The following SBF2 variants were observed in gnomAD, a reference collection of about 807,000 sequenced individuals.
The protein encoded by SBF2 is myotubularin-related protein 13.
SBF2 carries 112 observed loss-of-function variants against 225.2 expected under a neutral mutation model. The observed-to-expected ratio is 0.50, with a 90% CI of 0.43 to 0.58. The LOEUF (loss-of-function observed/expected upper bound fraction) is 0.58, where lower values mean the gene tolerates loss of function less well. SBF2 is among the 20% of genes least tolerant of loss of function. The pLI is 0.00. For synonymous variants in SBF2, 763 were observed against 773.3 expected, an observed-to-expected ratio of 0.99 and a Z score of 0.22; for missense variants, 1,996 against 2,206.2, an observed-to-expected ratio of 0.90 and a Z score of 1.91.
chr11:9,837,056 T>G (rs1855773179), intron 26 of SBF2, among the ~76,000 whole-genome samples: 6 of 152,196 alleles, frequency 3.9e-5, no homozygotes, highest in Middle Eastern at 3.4e-3. Context: ...TATTTCTTTC[T>G]TTTCAATTTT....
At chr11:9,780,874 A>AG (rs1419856565) in intron 39 of SBF2, 2 of 338,322 alleles carry the variant, frequency 5.9e-6, no homozygotes, top group African/African-American at 2.1e-5. Flanking sequence ...CTTGTGCTCC[A>AG]GGGGGATGCC....
intron 2 of SBF2, among the ~76,000 whole-genome samples, chr11:10,168,537 G>C (rs1355326091): frequency 6.6e-6 from 1 of 152,084 alleles, no homozygotes; most frequent in African/African-American, 2.4e-5. Context: ...GCTGCTATGC[G>C]AGATGAAATT....
At position 10,209,596 on chromosome 11, in the gene SBF2, T is replaced by G. The variant is rs369842649; in HGVS notation, c.56-15609A>C. Among the ~76,000 whole-genome samples the G allele has an allele frequency of 5.9e-5, 9 of 152,198 alleles. No individual in the cohort carries two copies. The East Asian group carries it at 1.5e-3, about 26-fold the overall frequency. On this transcript the variant is annotated intron_variant, in intron 1 of 39. Coordinates refer to ENST00000256190, the MANE Select transcript of SBF2 (RefSeq NM_030962.4). Reference sequence around the variant, plus strand: ...GATAGAGTATTTCTCAAGCTCCCAATGCTGTTTGTACCCCCTATTAAGCAT... The same window carrying G: ...GATAGAGTATTTCTCAAGCTCCCAAGGCTGTTTGTACCCCCTATTAAGCAT...
chr11:9,858,503 A>G (rs1857482473), intron 17 of SBF2, 107 bp from the exon 18 acceptor site: 4 of 1,170,716 alleles, frequency 3.4e-6, no homozygotes, highest in Non-Finnish European at 5.0e-6. Context: ...GGATTTCTCT[A>G]AAGAATATCG....
intron 13 of SBF2, among the ~76,000 whole-genome samples, chr11:9,977,207 G>C (rs984866874): frequency 1.3e-5 from 2 of 152,238 alleles, no homozygotes; most frequent in South Asian, 2.1e-4. Flanking sequence ...ATAGAGGCCA[G>C]GGGCATTGGC....
At chr11:10,096,945 T>C (rs1466047176) in intron 2 of SBF2, among the ~76,000 whole-genome samples, 1 of 152,134 alleles carries the variant, frequency 6.6e-6, no homozygotes, top group Non-Finnish European at 1.5e-5. Flanking sequence ...AAGAAATAAA[T>C]GCAACACATT....
intron 28 of SBF2, among the ~76,000 whole-genome samples, chr11:9,826,610 A>C (rs1006919962): frequency 3.9e-5 from 6 of 152,010 alleles, no homozygotes; most frequent in African/African-American, 1.5e-4. Context: ...AGCAACACAT[A>C]GAGTTGCTCA....
chr11:10,076,774 TTG>T (rs1951133653), intron 2 of SBF2, among the ~76,000 whole-genome samples: 2 of 152,156 alleles, frequency 1.3e-5, no homozygotes, highest in African/African-American at 2.4e-5. Flanking sequence ...ACAGCACCAG[TTG>T]CTCTGCTCCT....
chr11:10,104,858 T>C (rs1346276274), intron 2 of SBF2, among the ~76,000 whole-genome samples: 1 of 152,238 alleles, frequency 6.6e-6, no homozygotes, highest in Middle Eastern at 3.2e-3. Flanking sequence ...TCTCATGCTA[T>C]CGTTTCAGAA....
chr11:9,928,409 C>T (rs1416050675), intron 16 of SBF2, among the ~76,000 whole-genome samples: 1 of 152,178 alleles, frequency 6.6e-6, no homozygotes, highest in Non-Finnish European at 1.5e-5. Context: ...TACAACCACA[C>T]ACCTATTAGG....
At chr11:10,199,003 A>C (rs1957480378) in intron 1 of SBF2, among the ~76,000 whole-genome samples, 1 of 152,226 alleles carries the variant, frequency 6.6e-6, no homozygotes, top group African/African-American at 2.4e-5. Flanking sequence ...TATTATCTGC[A>C]TTCACAACTT....
chr11:9,812,581 G>A lies in SBF2; in HGVS notation c.4106C>T (p.Ser1369Leu), dbSNP rs772666052. ...CAGCGCTTTCAGGAAGGTCACTTCT[G>A]AGTCAGTAGGGATGGTGCTTGGGAT... ...ACIPSTIPTD[S>L]EVTFLKALGD... Residue 1369 changes from serine (S) to leucine (L), a missense_variant, in exon 30 of 40, where the codon TCA becomes TTA. Physicochemically the swap from Ser to Leu is moderately radical, Grantham distance 145 (BLOSUM62 -2). Coordinates refer to ENST00000256190, the MANE Select transcript of SBF2 (RefSeq NM_030962.4). 1.2e-6 allele frequency: 2 copies of A among 1,614,230 alleles called. No individual in the cohort carries two copies. The highest frequency in any genetic ancestry group is 2.2e-5 in the East Asian group (1 of 44,884).
chr11:10,138,428 T>C (rs981322560), intron 2 of SBF2, among the ~76,000 whole-genome samples: 10 of 152,180 alleles, frequency 6.6e-5, no homozygotes, highest in Admixed American at 3.3e-4. Flanking sequence ...GTGTGTTTCA[T>C]TGATTTTTCT....
intron 2 of SBF2, among the ~76,000 whole-genome samples, chr11:10,073,560 T>C (rs1950976883): frequency 6.6e-6 from 1 of 151,922 alleles, no homozygotes; most frequent in African/African-American, 2.4e-5. Flanking sequence ...CTACTAATAA[T>C]ACAAAAACTA....
chr11:9,955,862 C>T (rs959104920), intron 16 of SBF2, among the ~76,000 whole-genome samples: 6 of 129,882 alleles, frequency 4.6e-5, no homozygotes, highest in East Asian at 4.0e-4. Context: ...TTTCTTATTA[C>T]CTTAGTTTTA....
At chr11:10,204,690 T>C (rs1957692476) in intron 1 of SBF2, among the ~76,000 whole-genome samples, 1 of 150,624 alleles carries the variant, frequency 6.6e-6, no homozygotes, top group African/African-American at 2.4e-5. Flanking sequence ...TACTGATACA[T>C]GCTACGTATC....
At chr11:9,801,603 T>G (rs1853494611) in intron 32 of SBF2, among the ~76,000 whole-genome samples, 1 of 152,238 alleles carries the variant, frequency 6.6e-6, no homozygotes, top group Non-Finnish European at 1.5e-5. Context: ...TAATATTAAT[T>G]TTTGTTATTT....
intron 16 of SBF2, among the ~76,000 whole-genome samples, chr11:9,920,204 G>GTGTGTGTGTA (rs544312611): frequency 8.7e-6 from 1 of 115,226 alleles, no homozygotes; most frequent in African/African-American, 2.9e-5. Context: ...GTGTGTGTGT[G>GTGTGTGTGTA]TATATATATA....
intron 13 of SBF2, among the ~76,000 whole-genome samples, chr11:9,980,857 C>T (rs950448378): frequency 8.5e-5 from 13 of 152,150 alleles, no homozygotes; most frequent in African/African-American, 2.2e-4. Context: ...TGAGCCACTG[C>T]GCCCAGCAAT....
Sources: gnomAD v4.1 joint callset for allele counts (sites outside exome capture counted in the v4.1 genomes callset) on GRCh38, gnomAD v4.1.1 for gene constraint, MANE v1.5 for transcripts, NCBI Gene and HGNC (gene_info 2026-07-23, HGNC 2026-07-21) for gene names.